TMEM123: variants seen among roughly 807,000 people sequenced by gnomAD.
The protein encoded by TMEM123 is transmembrane protein 123.
TMEM123 carries 16 observed loss-of-function variants against 19.7 expected under a neutral mutation model. The observed-to-expected ratio is 0.81, with a 90% confidence interval of 0.55 to 1.23. The LOEUF (loss-of-function observed/expected upper bound fraction) is 1.23, where lower values mean the gene tolerates loss of function less well. TMEM123 is among the 50% of genes most tolerant of loss of function. The probability of loss-of-function intolerance (pLI) is 0.00; values close to 1 mark genes in which losing one functional copy is unlikely to be tolerated. For synonymous variants in TMEM123, 118 were observed against 99.4 expected (o/e 1.19, Z -1.12); for missense variants, 313 against 257.8 (o/e 1.21, Z -1.47).
chr11:102,442,271 GATGA>G (rs1857835074), intron 2 of TMEM123, among the ~76,000 whole-genome samples: 1 of 152,204 alleles, frequency 6.6e-6, no homozygotes, highest in African/African-American at 2.4e-5. Context: ...CAATATCCCT[GATGA>G]ATATCGATGC....
intron 2 of TMEM123, among the ~76,000 whole-genome samples, chr11:102,405,635 G>A (rs1008299754): frequency 1.6e-4 from 25 of 151,946 alleles, no homozygotes; most frequent in East Asian, 3.9e-4. Flanking sequence ...GAATGATCCC[G>A]CAGAATAAAA....
At chr11:102,451,289 A>C (rs1857936447) in intron 1 of TMEM123, 1 of 152,262 alleles carries the variant, frequency 6.6e-6, no homozygotes, top group Non-Finnish European at 1.5e-5. Context: ...ACCTCACCTC[A>C]TGAGATAATT....
intron 2 of TMEM123, among the ~76,000 whole-genome samples, chr11:102,409,247 C>A (rs1000338205): frequency 2.6e-5 from 4 of 152,094 alleles, no homozygotes; most frequent in Admixed American, 1.3e-4. Context: ...CCATAAATTT[C>A]TGGTGCCATA....
intron 2 of TMEM123, among the ~76,000 whole-genome samples, chr11:102,404,362 CA>C (rs1278133749): frequency 3.3e-5 from 5 of 151,370 alleles, no homozygotes; most frequent in Non-Finnish European, 5.9e-5. Context: ...CGGCTCAGGG[CA>C]ACCTCCGCCT....
chr11:102,400,278 G>A (rs1951900956), intron 4 of TMEM123, among the ~76,000 whole-genome samples: 2 of 152,226 alleles, frequency 1.3e-5, no homozygotes, highest in African/African-American at 4.8e-5. Context: ...AGAGGGGCAG[G>A]GGGAGGGATT....
chr11:102,407,806 C>G (rs1951968988), intron 2 of TMEM123, among the ~76,000 whole-genome samples: 1 of 152,210 alleles, frequency 6.6e-6, no homozygotes, highest in Non-Finnish European at 1.5e-5. Context: ...AACACCTTCA[C>G]CTCTGACTCC....
intron 2 of TMEM123, among the ~76,000 whole-genome samples, chr11:102,443,387 T>C (rs1233441901): frequency 6.6e-6 from 1 of 152,010 alleles, no homozygotes; most frequent in Non-Finnish European, 1.5e-5. Flanking sequence ...TCAGAAATAA[T>C]ACCACACTTC....
rs1388485431 is a variant in TMEM123, at chr11:102,429,798, T to A, written c.157+19014A>T. ...ACTCCCTGAGGGACTTCAGCAACAC[T>A]GCTCCACCATCACTAAAGCCTCACA... On this transcript the variant is annotated intron_variant, in intron 2 of 4. Transcript: ENST00000398136. Among the ~76,000 whole-genome samples, 4 of 152,236 alleles carry A rather than the reference T, an allele frequency of 2.6e-5. No homozygotes were observed. The East Asian group carries it at 7.7e-4, about 29-fold the overall frequency.
At chr11:102,419,232 A>T in intron 2 of TMEM123, among the ~76,000 whole-genome samples, 1 of 152,238 alleles carries the variant, frequency 6.6e-6, no homozygotes, top group East Asian at 1.9e-4. Context: ...AAATTAAGGT[A>T]CACGTTGTAC....
chr11:102,406,158 A>G (rs961987864), intron 2 of TMEM123, among the ~76,000 whole-genome samples: 2 of 152,206 alleles, frequency 1.3e-5, no homozygotes, highest in Admixed American at 6.5e-5. Flanking sequence ...GTGAAGCTTT[A>G]TCTAAGTCTG....
Position 102,405,970 on chromosome 11 carries a change from A to G in TMEM123, c.158-3764T>C, listed in dbSNP as rs562149457. Among the ~76,000 whole-genome samples the G allele has an allele frequency of 6.6e-5, 10 of 152,356 alleles. No individual in the cohort carries two copies. In the East Asian group the frequency reaches 9.6e-4, roughly 15 times the overall value. On this transcript the variant is annotated intron_variant, in intron 2 of 4. Transcript: ENST00000398136. ...CTCCAAATTCACATTGGATGACCCAATCTTCTTCTGTAATAAGTAAATAGT... is the reference window on the plus strand; with the variant it reads ...CTCCAAATTCACATTGGATGACCCAGTCTTCTTCTGTAATAAGTAAATAGT...
intron 2 of TMEM123, among the ~76,000 whole-genome samples, chr11:102,413,498 A>C (rs903933605): frequency 2.6e-5 from 4 of 152,184 alleles, no homozygotes; most frequent in Non-Finnish European, 5.9e-5. Context: ...TGTTATTGCC[A>C]GTGGACCAGG....
intron 2 of TMEM123, among the ~76,000 whole-genome samples, chr11:102,427,067 GTT>G (rs1352477742): frequency 1.4e-5 from 2 of 138,704 alleles, no homozygotes; most frequent in African/African-American, 2.6e-5. Context: ...TGTTTTGCGG[GTT>G]TTTTTTTTTT....
At chr11:102,418,501 T>TA (rs1426500006) in intron 2 of TMEM123, among the ~76,000 whole-genome samples, 3 of 151,538 alleles carry the variant, frequency 2.0e-5, no homozygotes, top group African/African-American at 4.9e-5. Flanking sequence ...TGGTAAAAAA[T>TA]AAAAAAATAA....
intron 2 of TMEM123, among the ~76,000 whole-genome samples, chr11:102,448,066 G>T (rs1857902074): frequency 1.3e-5 from 2 of 152,190 alleles, no homozygotes; most frequent in African/African-American, 4.8e-5. Context: ...TGTATTCTTA[G>T]AACCTAGGAT....
In TMEM123 at chr11:102,399,116, C is replaced by A. The variant is rs564184752; in HGVS notation, c.603-225G>T. Among the ~76,000 whole-genome samples, 282 of 152,322 alleles carry A rather than the reference C, an allele frequency of 1.9e-3. 1 individual carries two copies. Among genetic ancestry groups the A allele is most frequent in the African/African-American group, 6.2e-3 (257 of 41,570 alleles). ...CATCTTGTCTTGCTGCAATCATAGA[C>A]ACAGACATAGCTTCTATTTGTAAGT... On this transcript the variant is annotated intron_variant, in intron 4 of 4. Coordinates refer to ENST00000398136, the MANE Select transcript of TMEM123 (RefSeq NM_052932.3).
At chr11:102,411,522 C>G (rs1450028678) in intron 2 of TMEM123, among the ~76,000 whole-genome samples, 1 of 152,242 alleles carries the variant, frequency 6.6e-6, no homozygotes, top group East Asian at 1.9e-4. Flanking sequence ...ATTAGGAGTA[C>G]AAGAGCTGAA....
At chr11:102,451,215 G>A (rs1857935682) in intron 1 of TMEM123, 2 of 152,160 alleles carry the variant, frequency 1.3e-5, no homozygotes, top group Non-Finnish European at 2.9e-5. Context: ...TTCTCTAATC[G>A]GTAATTCATT....
intron 2 of TMEM123, among the ~76,000 whole-genome samples, chr11:102,422,116 A>G (rs1026923925): frequency 2.0e-5 from 3 of 152,232 alleles, no homozygotes; most frequent in African/African-American, 7.2e-5. Flanking sequence ...CACTATCTTC[A>G]CTGCACTAGA....
Sources: gnomAD v4.1 joint callset for allele counts (sites outside exome capture counted in the v4.1 genomes callset) on GRCh38, gnomAD v4.1.1 for gene constraint, MANE v1.5 for transcripts, NCBI Gene and HGNC (gene_info 2026-07-23, HGNC 2026-07-21) for gene names.